The following MOXD1 variants were observed in gnomAD, a reference collection of about 807,000 sequenced individuals.
MOXD1 encodes DBH-like monooxygenase protein 1.
A neutral mutation model predicts 66.6 loss-of-function variants in MOXD1; 62 were observed. The ratio of observed to expected loss-of-function variants is 0.93; its 90% CI spans 0.76 to 1.15. MOXD1 has a LOEUF of 1.15. Ranked by LOEUF, MOXD1 falls within the 50% of genes most tolerant of loss-of-function variation. The probability of loss-of-function intolerance (pLI) is 0.00; values close to 1 mark genes in which losing one functional copy is unlikely to be tolerated. For missense variants in MOXD1, 847 were observed against 754.6 expected (o/e 1.12, Z -1.44); for synonymous variants, 303 against 281.9 (o/e 1.07, Z -0.75).
At chr6:132,373,440 A>C (rs1367701316) in intron 2 of MOXD1, among the ~76,000 whole-genome samples, 2 of 152,234 alleles carry the variant, frequency 1.3e-5, no homozygotes, top group Non-Finnish European at 1.5e-5. Flanking sequence ...AAAATTACCT[A>C]ATACTTTTCC....
At chr6:132,349,866 A>G (rs1293457115) in intron 4 of MOXD1, among the ~76,000 whole-genome samples, 2 of 152,146 alleles carry the variant, frequency 1.3e-5, no homozygotes, top group Admixed American at 6.5e-5. Flanking sequence ...CACTTCCCTG[A>G]TCATTAGTGA....
At chr6:132,318,961 G>T (rs1055802121) in intron 9 of MOXD1, among the ~76,000 whole-genome samples, 1 of 151,882 alleles carries the variant, frequency 6.6e-6, no homozygotes, top group East Asian at 1.9e-4. Flanking sequence ...CATAAACCAA[G>T]TTTCCATCTG....
chr6:132,377,317 G>A (rs1538308), intron 1 of MOXD1, among the ~76,000 whole-genome samples: 19,356 of 152,146 alleles, frequency 0.13, 1,821 homozygotes, highest in East Asian at 0.45. Flanking sequence ...GACAATGAGA[G>A]ATTTAGATCA....
intron 4 of MOXD1, among the ~76,000 whole-genome samples, chr6:132,344,640 C>T (rs1311057205): frequency 6.6e-6 from 1 of 152,186 alleles, no homozygotes; most frequent in Non-Finnish European, 1.5e-5. Context: ...CATATCTACC[C>T]TTCCCTAATT....
At chr6:132,356,649 A>G (rs895773744) in intron 4 of MOXD1, among the ~76,000 whole-genome samples, 4 of 152,192 alleles carry the variant, frequency 2.6e-5, no homozygotes, top group Admixed American at 2.0e-4. Context: ...TGCAAAAATT[A>G]TGGTTTATAC....
In MOXD1 at chr6:132,320,750, A is replaced by G; in HGVS notation, c.1306-62T>C. On this transcript the variant is annotated intron_variant, in intron 8 of 11. Transcript: ENST00000367963. ...TTATGCTGGCTTATTTATCAAATAC[A>G]TTTGTACGTCAACAGTTAATATTTG... 3.7e-6 allele frequency: 5 copies of G among 1,336,724 alleles called. No individual in the cohort carries two copies. The East Asian group carries it at 7.0e-5, about 19-fold the overall frequency. 82.8% of individuals were successfully genotyped at this position (1,336,724 alleles called of 1,614,324 possible). A position where few individuals can be genotyped will look rare whatever the true frequency, so the allele number is the denominator to read the frequency against.
intron 4 of MOXD1, among the ~76,000 whole-genome samples, chr6:132,332,038 G>A (rs76471618): frequency 6.6e-6 from 1 of 152,280 alleles, no homozygotes; most frequent in Non-Finnish European, 1.5e-5. Context: ...CACCTGGGGA[G>A]GGGGCTCATG....
intron 4 of MOXD1, among the ~76,000 whole-genome samples, chr6:132,345,429 AG>A (rs1466337896): frequency 7.2e-5 from 11 of 152,174 alleles, no homozygotes. Flanking sequence ...CTAAAAAAAA[AG>A]AATAGAAAAG....
chr6:132,317,700 A>G (rs1774989225), intron 9 of MOXD1, among the ~76,000 whole-genome samples: 1 of 152,134 alleles, frequency 6.6e-6, no homozygotes, highest in Non-Finnish European at 1.5e-5. Flanking sequence ...CTTTAGTAAA[A>G]TAATATTTCA....
intron 4 of MOXD1, among the ~76,000 whole-genome samples, chr6:132,346,896 T>A (rs1457885577): frequency 6.6e-6 from 1 of 152,174 alleles, no homozygotes; most frequent in Non-Finnish European, 1.5e-5. Flanking sequence ...GAGTCTCTCA[T>A]CCAACAAGCA....
rs146536500 is a variant in MOXD1 at position 132,346,920 on chromosome 6, A to G, written c.664-18326T>C. On this transcript the variant is annotated intron_variant, in intron 4 of 11. Coordinates refer to ENST00000367963, the MANE Select transcript of MOXD1 (RefSeq NM_015529.4). The stretch of plus-strand genomic sequence containing the variant: ...ATCCAACAAGCATTTACTAAACGCT[A>G]TAAGAAACTGTACCCAAGGCTGCAG... Among the ~76,000 whole-genome samples, 856 of 152,340 alleles carry G rather than the reference A, an allele frequency of 5.6e-3. 8 individuals carry two copies. Among genetic ancestry groups the G allele is most frequent in the African/African-American group, 0.019 (803 of 41,572 alleles).
chr6:132,302,265 C>T (rs979747691), intron 10 of MOXD1, among the ~76,000 whole-genome samples: 10 of 152,130 alleles, frequency 6.6e-5, no homozygotes, highest in Admixed American at 2.0e-4. Flanking sequence ...ATTCTAGACT[C>T]ACGCTAACAA....
intron 10 of MOXD1, among the ~76,000 whole-genome samples, chr6:132,301,062 G>A (rs889803020): frequency 1.3e-5 from 2 of 151,988 alleles, no homozygotes; most frequent in East Asian, 3.9e-4. Context: ...CCTTAAAGTA[G>A]CAAGTATTTC....
intron 10 of MOXD1, among the ~76,000 whole-genome samples, chr6:132,301,890 A>G (rs1774546836): frequency 6.6e-6 from 1 of 152,202 alleles, no homozygotes; most frequent in South Asian, 2.1e-4. Flanking sequence ...GTGTTTGAAT[A>G]TTATGTTCAT....
chr6:132,309,049 G>A lies in MOXD1; in HGVS notation c.1508+6586C>T, dbSNP rs6569791. On this transcript the variant is annotated intron_variant, in intron 10 of 11. Transcript: ENST00000367963. ...ATCAGGCAATAGAAAGAAACAAAGA[G>A]TATTTAAATAGGAAGAGAGGAAGTC... Among the ~76,000 whole-genome samples, 431 of 152,224 alleles carry A rather than the reference G, an allele frequency of 2.8e-3. 3 individuals carry two copies. Among genetic ancestry groups the A allele is most frequent in the African/African-American group, 9.8e-3 (407 of 41,548 alleles).
Position 132,345,010 on chromosome 6 carries a change from G to T in MOXD1, c.664-16416C>A, listed in dbSNP as rs182946779. Among the ~76,000 whole-genome samples the T allele has an allele frequency of 3.8e-3, 583 of 152,300 alleles. 3 individuals carry two copies. The highest frequency in any genetic ancestry group is 0.027 in the Middle Eastern group (8 of 294). ...ATGTGACAGGAACCAGCTGCCCTAT[G>T]TGACAGGAACCAGCAGCAGAGCCAG... On this transcript the variant is annotated intron_variant, in intron 4 of 11. Transcript: ENST00000367963.
intron 1 of MOXD1, among the ~76,000 whole-genome samples, chr6:132,384,278 CTTCCTTCCT>C: frequency 1.1e-5 from 1 of 90,500 alleles, no homozygotes; most frequent in East Asian, 6.1e-4. Flanking sequence ...TCCTTCCTTC[CTTCCTTCCT>C]TCCTCCTTCC....
intron 4 of MOXD1, among the ~76,000 whole-genome samples, chr6:132,358,177 A>G (rs1317248998): frequency 6.6e-6 from 1 of 152,186 alleles, no homozygotes; most frequent in Non-Finnish European, 1.5e-5. Context: ...GGTCTATGTG[A>G]CCAGAAAGAC....
chr6:132,369,359 GC>G (rs1422791229), intron 4 of MOXD1, among the ~76,000 whole-genome samples: 1 of 152,016 alleles, frequency 6.6e-6, no homozygotes, highest in Non-Finnish European at 1.5e-5. Context: ...ATGCACTGTG[GC>G]CATAACTTTT....
Sources: gnomAD v4.1 joint callset for allele counts (sites outside exome capture counted in the v4.1 genomes callset) on GRCh38, gnomAD v4.1.1 for gene constraint, MANE v1.5 for transcripts, NCBI Gene and HGNC (gene_info 2026-07-23, HGNC 2026-07-21) for gene names.